The following NREP variants were observed in gnomAD, a reference collection of about 807,000 sequenced individuals.
NREP encodes the protein neuronal regeneration-related protein.
In NREP, 5 loss-of-function variants were observed where a neutral mutation model predicts 8.6. That is an observed-to-expected ratio of 0.58 (90% confidence interval 0.30 to 1.22). The LOEUF (loss-of-function observed/expected upper bound fraction) is 1.22, where lower values mean the gene tolerates loss of function less well. Ranked by LOEUF, NREP falls within the 50% of genes most tolerant of loss-of-function variation. NREP has a pLI of 0.07. For missense variants in NREP, 86 were observed against 82.5 expected, an observed-to-expected ratio of 1.04 and a Z score of -0.17; for synonymous variants, 27 against 28.0, an observed-to-expected ratio of 0.96 and a Z score of 0.11.
intron 2 of NREP, among the ~76,000 whole-genome samples, chr5:111,958,937 A>G (rs1756403601): frequency 6.6e-6 from 1 of 152,006 alleles, no homozygotes; most frequent in Non-Finnish European, 1.5e-5. Flanking sequence ...GTAATGAGAC[A>G]GAATAGATAG....
At chr5:111,957,068 A>G (rs949952478) in intron 2 of NREP, among the ~76,000 whole-genome samples, 14 of 151,940 alleles carry the variant, frequency 9.2e-5, no homozygotes, top group African/African-American at 3.4e-4. Context: ...GAGAAATATT[A>G]CAATTGTCCA....
At chr5:111,950,942 T>C (rs1756142047) in intron 2 of NREP, among the ~76,000 whole-genome samples, 1 of 152,068 alleles carries the variant, frequency 6.6e-6, no homozygotes, top group Non-Finnish European at 1.5e-5. Flanking sequence ...CAAAGTGCAA[T>C]TGACGTCTCC....
chr5:111,895,475 G>A (rs1187964523), intron 2 of NREP, among the ~76,000 whole-genome samples: 1 of 152,076 alleles, frequency 6.6e-6, no homozygotes, highest in Non-Finnish European at 1.5e-5. Context: ...AATTAAGCAG[G>A]TTATATGATA....
chr5:111,807,411 A>G (rs1752166865), intron 2 of NREP, among the ~76,000 whole-genome samples: 1 of 152,228 alleles, frequency 6.6e-6, no homozygotes, highest in Non-Finnish European at 1.5e-5. Flanking sequence ...GGAAGTTACC[A>G]AATATTATGT....
At chr5:111,775,513 C>G (rs1751336642) in intron 2 of NREP, among the ~76,000 whole-genome samples, 1 of 152,182 alleles carries the variant, frequency 6.6e-6, no homozygotes, top group Admixed American at 6.6e-5. Flanking sequence ...TACTCATATT[C>G]TGTGTGCCTG....
chr5:111,757,578 G>A (rs1750808978), upstream of NREP: 4 of 984,298 alleles, frequency 4.1e-6, no homozygotes, highest in Non-Finnish European at 4.8e-6. Flanking sequence ...GGAATCGGCG[G>A]CTCTGGGCCC....
intron 2 of NREP, among the ~76,000 whole-genome samples, chr5:111,776,613 G>A (rs1751367495): frequency 6.6e-6 from 1 of 152,070 alleles, no homozygotes; most frequent in South Asian, 2.1e-4. Flanking sequence ...TTCATACAAT[G>A]GAATAATAGA....
intron 2 of NREP, among the ~76,000 whole-genome samples, chr5:111,942,594 G>T (rs981897883): frequency 6.6e-6 from 1 of 151,820 alleles, no homozygotes; most frequent in Non-Finnish European, 1.5e-5. Context: ...AATCTGAAAT[G>T]ATATAGAAGT....
At chr5:111,955,076 G>A (rs1398360057) in intron 2 of NREP, among the ~76,000 whole-genome samples, 1 of 152,144 alleles carries the variant, frequency 6.6e-6, no homozygotes, top group African/African-American at 2.4e-5. Context: ...AAAGAAGAAC[G>A]TGTCTCCATT....
chr5:111,734,724 TTC>T, intron 3 of NREP: 1 of 700,998 alleles, frequency 1.4e-6, no homozygotes, highest in East Asian at 2.7e-5. Flanking sequence ...TTTCAGTGGA[TTC>T]TGTTTTTCTT....
chr5:111,938,130 G>T (rs919218426), intron 2 of NREP, among the ~76,000 whole-genome samples: 2 of 151,934 alleles, frequency 1.3e-5, no homozygotes, highest in Non-Finnish European at 2.9e-5. Flanking sequence ...TTTGGTCTAT[G>T]AGTTCTCATA....
intron 2 of NREP, among the ~76,000 whole-genome samples, chr5:111,938,564 G>A (rs1385148267): frequency 6.6e-6 from 1 of 152,002 alleles, no homozygotes; most frequent in Non-Finnish European, 1.5e-5. Flanking sequence ...CAGATGACAT[G>A]GCCTAGTTTG....
chr5:111,788,171 C>T (rs1751657830), intron 2 of NREP, among the ~76,000 whole-genome samples: 1 of 152,116 alleles, frequency 6.6e-6, no homozygotes, highest in South Asian at 2.1e-4. Flanking sequence ...TGTTCTTGAG[C>T]CCAGTGGATT....
intron 2 of NREP, among the ~76,000 whole-genome samples, chr5:111,748,552 C>T (rs1750154395): frequency 6.6e-6 from 1 of 152,158 alleles, no homozygotes; most frequent in Admixed American, 6.5e-5. Flanking sequence ...ACAGATTAGA[C>T]TGGTTCATGG....
rs1029141449 is a variant in NREP, at chr5:111,729,913, G to A, written c.*1008C>T. On this transcript the variant is annotated 3_prime_UTR_variant, in exon 4 of 4. Transcript: ENST00000257435. The stretch of plus-strand genomic sequence containing the variant: ...TTTTCATATTCCCACTCAGATGCCA[G>A]TGTTTTGGGTTTTTTTCCAGGGGGA... The A allele has an allele frequency of 6.6e-6, 1 of 152,586 alleles. No individual in the cohort carries two copies. The highest frequency in any genetic ancestry group is 2.4e-5 in the African/African-American group (1 of 41,430). 9.5% of individuals were successfully genotyped at this position (152,586 alleles called of 1,614,324 possible). A position where few individuals can be genotyped will look rare whatever the true frequency, so the allele number is the denominator to read the frequency against.
intron 2 of NREP, among the ~76,000 whole-genome samples, chr5:111,797,813 GA>G (rs1281988743): frequency 6.6e-6 from 1 of 152,154 alleles, no homozygotes; most frequent in African/African-American, 2.4e-5. Context: ...GGTTTTCTCA[GA>G]AAAGGGGAAG....
intron 2 of NREP, among the ~76,000 whole-genome samples, chr5:111,855,065 A>AT (rs1032089420): frequency 9.9e-5 from 15 of 152,014 alleles, no homozygotes; most frequent in African/African-American, 2.9e-4. Context: ...GAGTGGGTAC[A>AT]TTTTTCTAAA....
chr5:111,748,644 A>T (rs2112834114), intron 2 of NREP, among the ~76,000 whole-genome samples: 1 of 152,262 alleles, frequency 6.6e-6, no homozygotes, highest in South Asian at 2.1e-4. Context: ...GAGAACACCA[A>T]ACCACTTTGT....
chr5:111,827,702 G>C (rs1752661476), intron 2 of NREP, among the ~76,000 whole-genome samples: 1 of 152,118 alleles, frequency 6.6e-6, no homozygotes, highest in African/African-American at 2.4e-5. Context: ...AATTAGCTGG[G>C]TGTGGTGGTG....
Sources: gnomAD v4.1 joint callset for allele counts (sites outside exome capture counted in the v4.1 genomes callset) on GRCh38, gnomAD v4.1.1 for gene constraint, MANE v1.5 for transcripts, NCBI Gene and HGNC (gene_info 2026-07-23, HGNC 2026-07-21) for gene names.